The following KLRG1 variants were observed in gnomAD, a reference collection of about 807,000 sequenced individuals.
KLRG1 encodes the protein killer cell lectin like receptor G1, also known as killer cell lectin-like receptor subfamily G member 1.
In KLRG1, 16 loss-of-function variants were observed where a neutral mutation model predicts 21.8. That is an observed-to-expected ratio of 0.73 (90% CI 0.50 to 1.11). The LOEUF is 1.11. Ranked by LOEUF, KLRG1 falls within the 50% of genes most tolerant of loss-of-function variation. The pLI, the probability that KLRG1 is intolerant of heterozygous loss-of-function variation, is 0.00. For missense variants in KLRG1, 173 were observed against 218.3 expected (o/e 0.79, Z 1.31); for synonymous variants, 69 against 75.9 (o/e 0.91, Z 0.47).
chr12:9,022,567 C>T, the KLRG1 span, among the ~76,000 whole-genome samples: 1 of 151,948 alleles, frequency 6.6e-6, no homozygotes, highest in East Asian at 1.9e-4. Context: ...GCTGGAGGCT[C>T]CTAGATAGTT....
the KLRG1 span, chr12:9,077,338 G>C: frequency 6.2e-7 from 1 of 1,610,896 alleles, no homozygotes; most frequent in South Asian, 1.1e-5. Flanking sequence ...GAATGGGGTG[G>C]TACCTACAGT....
chr12:9,000,550 C>T (rs10400562), intron 3 of KLRG1, among the ~76,000 whole-genome samples: 2,955 of 152,240 alleles, frequency 0.019, 44 homozygotes, highest in Non-Finnish European at 0.029. Flanking sequence ...AAGCTCTGTA[C>T]CTCTTAAACA....
At chr12:9,147,074 C>T in the KLRG1 span, among the ~76,000 whole-genome samples, 8 of 152,308 alleles carry the variant, frequency 5.3e-5, no homozygotes, top group East Asian at 1.5e-3. Context: ...AGCTCCCCGA[C>T]TGGCAAGGCA....
the KLRG1 span, chr12:9,163,637 C>T: frequency 3.7e-6 from 6 of 1,608,554 alleles, no homozygotes; most frequent in South Asian, 5.5e-5. Context: ...TGCATTCTTA[C>T]AGTTGTTAGG....
the KLRG1 span, among the ~76,000 whole-genome samples, chr12:9,081,929 T>C: frequency 2.0e-5 from 3 of 152,220 alleles, no homozygotes; most frequent in African/African-American, 4.8e-5. Flanking sequence ...GCCAACTGCA[T>C]AGCCCATCTG....
At chr12:9,072,626 C>G in the KLRG1 span, 1 of 1,610,532 alleles carries the variant, frequency 6.2e-7, no homozygotes, top group Non-Finnish European at 8.5e-7. Context: ...CTCATCTGTC[C>G]TGTCCTCACC....
At chr12:9,214,954 TG>T in the KLRG1 span, among the ~76,000 whole-genome samples, 1 of 152,026 alleles carries the variant, frequency 6.6e-6, no homozygotes, top group Non-Finnish European at 1.5e-5. Flanking sequence ...TTTTTCCAAC[TG>T]AGTTGTAGGG....
At chr12:8,977,308 A>G (rs761553535) in intron 1 of KLRG1, among the ~76,000 whole-genome samples, 1 of 149,950 alleles carries the variant, frequency 6.7e-6, no homozygotes, top group East Asian at 2.0e-4. Flanking sequence ...GGTTCTGGCC[A>G]TATTCCTGCC....
At chr12:9,114,617 A>G in the KLRG1 span, among the ~76,000 whole-genome samples, 1 of 151,938 alleles carries the variant, frequency 6.6e-6, no homozygotes, top group Non-Finnish European at 1.5e-5. Context: ...TTTATCCTAA[A>G]TTTTTATATT....
the KLRG1 span, among the ~76,000 whole-genome samples, chr12:9,126,456 C>T: frequency 6.6e-6 from 1 of 152,106 alleles, no homozygotes; most frequent in Non-Finnish European, 1.5e-5. Context: ...TTTTATAAAC[C>T]AAGCGAGAGT....
chr12:9,210,451 T>C, the KLRG1 span, among the ~76,000 whole-genome samples: 7 of 152,202 alleles, frequency 4.6e-5, no homozygotes, highest in Non-Finnish European at 7.4e-5. Flanking sequence ...CTAAAGGCTT[T>C]AAAATGTGCT....
the KLRG1 span, among the ~76,000 whole-genome samples, chr12:9,088,196 G>A: frequency 2.7e-5 from 4 of 150,906 alleles, no homozygotes; most frequent in African/African-American, 9.7e-5. Flanking sequence ...AAGATAAATG[G>A]ATGGCAAAGT....
At chr12:9,191,340 T>G in the KLRG1 span, among the ~76,000 whole-genome samples, 1 of 152,112 alleles carries the variant, frequency 6.6e-6, no homozygotes, top group Non-Finnish European at 1.5e-5. Flanking sequence ...TCTAACTACC[T>G]CTACACTAGT....
chr12:9,120,857 G>GTGTGTGTT, the KLRG1 span, among the ~76,000 whole-genome samples: 1 of 149,390 alleles, frequency 6.7e-6, no homozygotes. Context: ...ACTAACGTGT[G>GTGTGTGTT]TGTGTGTGTG....
chr12:9,098,746 C>T, the KLRG1 span: 5 of 1,612,804 alleles, frequency 3.1e-6, 1 homozygote, highest in South Asian at 5.5e-5. Context: ...TGGGCTGAAG[C>T]TCAAATCCAC....
chr12:9,133,152 CAT>C, the KLRG1 span, among the ~76,000 whole-genome samples: 1 of 151,936 alleles, frequency 6.6e-6, no homozygotes, highest in Non-Finnish European at 1.5e-5. Context: ...GGAAAGTAGA[CAT>C]ATTGAATTTG....
the KLRG1 span, chr12:9,192,786 C>T: frequency 1.5e-6 from 2 of 1,338,432 alleles, no homozygotes; most frequent in African/African-American, 1.4e-5. Flanking sequence ...TGAAATTCTT[C>T]ACCTTAGCTT....
the KLRG1 span, among the ~76,000 whole-genome samples, chr12:9,147,082 G>A: frequency 6.6e-6 from 1 of 152,166 alleles, no homozygotes; most frequent in African/African-American, 2.4e-5. Context: ...GACTGGCAAG[G>A]CAGATGTCAG....
the KLRG1 span, chr12:9,072,554 C>G: frequency 6.2e-7 from 1 of 1,600,754 alleles, no homozygotes; most frequent in African/African-American, 1.3e-5. Context: ...GTCCCTAACC[C>G]TTTCTCTGAT....
Sources: gnomAD v4.1 joint callset for allele counts (sites outside exome capture counted in the v4.1 genomes callset) on GRCh38, gnomAD v4.1.1 for gene constraint, MANE v1.5 for transcripts, NCBI Gene and HGNC (gene_info 2026-07-23, HGNC 2026-07-21) for gene names.